RSPH10B: variants seen among roughly 807,000 people sequenced by gnomAD.
The protein encoded by RSPH10B is radial spoke head 10 homolog B (Chlamydomonas).
A neutral mutation model predicts 52.5 loss-of-function variants in RSPH10B; 7 were observed. That is an observed-to-expected ratio of 0.13 (90% CI 0.08 to 0.25). The LOEUF (loss-of-function observed/expected upper bound fraction) is 0.25. Ranked by LOEUF, RSPH10B falls within the 10% of genes least tolerant of loss-of-function variation. RSPH10B has a pLI of 1.00. For missense variants in RSPH10B, 89 were observed against 542.5 expected (o/e 0.16, Z 8.30); for synonymous variants, 28 against 193.2 (o/e 0.14, Z 7.09).
chr7:5,931,021 C>A (rs1779734592), intron 17 of RSPH10B, among the ~76,000 whole-genome samples: 2 of 107,454 alleles, frequency 1.9e-5, no homozygotes, highest in Non-Finnish European at 4.1e-5. Context: ...GCAACCTCTG[C>A]CTCCTGGGTT....
intron 13 of RSPH10B, among the ~76,000 whole-genome samples, chr7:5,940,901 G>A: frequency 1.7e-5 from 1 of 58,802 alleles, no homozygotes; most frequent in African/African-American, 5.3e-5. Context: ...ACTCCAGCCT[G>A]GGCGACAGAG....
intron 11 of RSPH10B, among the ~76,000 whole-genome samples, chr7:5,944,389 T>G (rs571150362): frequency 6.7e-6 from 1 of 150,344 alleles, no homozygotes; most frequent in African/African-American, 2.5e-5. Context: ...CAGAGCGAGA[T>G]TCCATCTCAA....
rs1263556331 is a variant in RSPH10B at position 5,940,957 on chromosome 7, T to A, written c.1759-2128A>T. Among the ~76,000 whole-genome samples, 58 of 88,978 alleles carry A rather than the reference T, an allele frequency of 6.5e-4. 3 individuals are homozygous for A. The highest frequency in any genetic ancestry group is 2.1e-3 in the African/African-American group (56 of 26,048). 58.4% of individuals were successfully genotyped at this position (88,978 alleles called of 152,430 possible). On this transcript the variant is annotated intron_variant, in intron 13 of 18. Transcript: ENST00000337579. ...TAATAATAATAATTATTATTATTAT[T>A]ATTATTATTATTATTCAATGGGCAA...
Position 5,943,844 on chromosome 7 carries a change from G to T in RSPH10B, c.1609+67C>A, listed in dbSNP as rs1440749588. ...TTGCAGGAGTGAGCCACTGCGCCCA[G>T]CCCAGATTTATATTTTGAGAAAAAA... On this transcript the variant is annotated intron_variant, in intron 12 of 18. Coordinates refer to ENST00000337579, the Ensembl canonical transcript of RSPH10B. 11 of 1,594,412 alleles carry T rather than the reference G, an allele frequency of 6.9e-6. No individual in the cohort carries two copies. In the African/African-American group the frequency reaches 1.5e-4, roughly 22 times the overall value.
Position 5,941,025 on chromosome 7 carries a change from G to A in RSPH10B, c.1759-2196C>T, listed in dbSNP as rs1218538949. ...ACAAATGAAACCATGAAAAGGGCCA[G>A]GTGCAGTGGCTCACGCCTGTAATCC... On this transcript the variant is annotated intron_variant, in intron 13 of 18. Transcript: ENST00000337579. 2.6e-5 allele frequency among the ~76,000 whole-genome samples: 2 copies of A among 77,180 alleles called. 1 individual carries two copies. Among genetic ancestry groups the A allele is most frequent in the Non-Finnish European group, 5.7e-5 (2 of 34,904 alleles). 50.6% of individuals were successfully genotyped at this position (77,180 alleles called of 152,430 possible).
chr7:5,943,495 A>G, intron 12 of RSPH10B, 23 bp from the exon 15 acceptor site: 4 of 1,607,812 alleles, frequency 2.5e-6, no homozygotes, highest in Non-Finnish European at 3.4e-6. Context: ...CGTTCGAAAA[A>G]TGATTACAGA....
intron 18 of RSPH10B, 174 bp downstream of exon 20, chr7:5,928,022 T>C: frequency 2.6e-6 from 2 of 770,296 alleles, no homozygotes; most frequent in Non-Finnish European, 4.3e-6. Flanking sequence ...TACAAAGGCT[T>C]CAGGTGTTCT....
chr7:5,927,047 A>ATG, intron 18 of RSPH10B, among the ~76,000 whole-genome samples: 1 of 51,512 alleles, frequency 1.9e-5, no homozygotes, highest in South Asian at 4.3e-4. Flanking sequence ...GTGTGTGTGT[A>ATG]TTATGTGTGT....
chr7:5,928,411 TGAAGCTG>T lies in RSPH10B; in HGVS notation c.2234-24_2234-18del, dbSNP rs1779633467. 1 of 1,608,084 alleles carries T rather than the reference TGAAGCTG, an allele frequency of 6.2e-7. No individual in the cohort carries two copies. Among genetic ancestry groups the T allele is most frequent in the African/African-American group, 1.3e-5 (1 of 74,418 alleles). The stretch of plus-strand genomic sequence containing the variant: ...CATATTTCTCTGGAATAGAGTTTCA[TGAAGCTG>T]AACATGAATACAATCCTGCTGTCAA... On this transcript the variant is annotated intron_variant, in intron 17 of 18. Transcript: ENST00000337579.
At chr7:5,943,250 G>T in intron 13 of RSPH10B, 74 bp downstream of exon 15, 1 of 1,558,150 alleles carries the variant, frequency 6.4e-7, no homozygotes, top group Non-Finnish European at 8.7e-7. Context: ...ATCACAGCTG[G>T]AATATCCTGC....
At chr7:5,926,252 A>AG (rs1779389514) in exon 19 of RSPH10B, 3 of 619,642 alleles carry the variant, frequency 4.8e-6, no homozygotes, top group Non-Finnish European at 8.4e-6. Flanking sequence ...CCTGAGATGC[A>AG]GTGGGCCAAG....
chr7:5,968,647 C>T (rs1369023396), upstream of RSPH10B, among the ~76,000 whole-genome samples: 1 of 69,306 alleles, frequency 1.4e-5, no homozygotes, highest in Admixed American at 1.6e-4. Context: ...GCTAGGACTA[C>T]AGGCGCCCAC....
intron 16 of RSPH10B, 110 bp from the exon 19 acceptor site, chr7:5,932,985 TC>T (rs1779850069): frequency 1.1e-5 from 1 of 93,078 alleles, no homozygotes. Flanking sequence ...ATGAGGCTGT[TC>T]TCCTTGAGCT....
In RSPH10B at chr7:5,954,123, G is replaced by A. The variant is rs1300954829; in HGVS notation, c.958-904C>T. On this transcript the variant is annotated intron_variant, in intron 7 of 18. Transcript: ENST00000337579. ...CTCCAAAAGTGTTGGGATTACAGGC[G>A]TGAGCCATCGTGCCCCACAATTTTT... Among the ~76,000 whole-genome samples the A allele has an allele frequency of 3.3e-5, 4 of 119,816 alleles. 1 individual carries two copies. The highest frequency in any genetic ancestry group is 2.8e-4 in the Admixed American group (3 of 10,780). The allele number at this position is 119,816 out of a possible 152,430, so 78.6% of individuals were successfully genotyped here. A position where few individuals can be genotyped will look rare whatever the true frequency, so the allele number is the denominator to read the frequency against.
At chr7:5,927,073 TGTGTGTGTGTGTGTGTGTGTG>T (rs1779515040) in intron 18 of RSPH10B, among the ~76,000 whole-genome samples, 1 of 106,166 alleles carries the variant, frequency 9.4e-6, no homozygotes, top group African/African-American at 3.8e-5. Flanking sequence ...TGTGTATATG[TGTGTGTGTGTGTGTGTGTGTG>T]TGTATTTTTT....
At chr7:5,944,845 C>G (rs1780407364) in intron 11 of RSPH10B, among the ~76,000 whole-genome samples, 1 of 146,806 alleles carries the variant, frequency 6.8e-6, no homozygotes, top group Admixed American at 6.8e-5. Context: ...TGCCTGTCAT[C>G]TCAGCTACCC....
intron 10 of RSPH10B, among the ~76,000 whole-genome samples, chr7:5,947,659 G>T (rs1780481342): frequency 9.6e-6 from 1 of 104,210 alleles, no homozygotes. Context: ...AGGTTGCGGT[G>T]AGCCGAGATC....
At chr7:5,927,088 G>GTATATATA (rs1779524488) in intron 18 of RSPH10B, among the ~76,000 whole-genome samples, 1 of 70,570 alleles carries the variant, frequency 1.4e-5, no homozygotes, top group African/African-American at 5.6e-5. Context: ...GTGTGTGTGT[G>GTATATATA]TGTGTGTGTA....
Position 5,960,079 on chromosome 7 carries a change from A to AC in RSPH10B, c.573+611_573+612insG, listed in dbSNP as rs1239331678. On this transcript the variant is annotated intron_variant, in intron 4 of 18. Coordinates refer to ENST00000337579, the Ensembl canonical transcript of RSPH10B. ...CACACACACACACACACACACACAC[A>AC]ACAACAACAACAACACAACTCAATA... Among the ~76,000 whole-genome samples the AC allele has an allele frequency of 9.4e-3, 164 of 17,436 alleles. 46 individuals carry two copies. Among genetic ancestry groups the AC allele is most frequent in the African/African-American group, 0.032 (87 of 2,752 alleles). 11.4% of individuals were successfully genotyped at this position (17,436 alleles called of 152,430 possible).
Sources: allele counts gnomAD v4.1 joint callset (sites outside exome capture counted in the v4.1 genomes callset), GRCh38; gene constraint gnomAD v4.1.1; transcripts MANE v1.5; gene names NCBI Gene and HGNC (gene_info 2026-07-23, HGNC 2026-07-21).